Variants in ADAM12 observed in about 807,000 individuals in gnomAD.
ADAM12 encodes the protein ADAM metallopeptidase domain 12, also known as disintegrin and metalloproteinase domain-containing protein 12.
Under a neutral mutation model 106.4 loss-of-function variants are expected in ADAM12, and 70 were observed. The observed-to-expected ratio is 0.66, with a 90% CI of 0.54 to 0.80. The LOEUF is 0.80. Among genes scored for constraint, ADAM12 ranks in the 30% least tolerant of loss-of-function variants. The probability of loss-of-function intolerance (pLI) is 0.00; values close to 1 mark genes in which losing one functional copy is unlikely to be tolerated. For missense variants in ADAM12, 1,010 were observed against 1,171.9 expected, an observed-to-expected ratio of 0.86 and a Z score of 2.02; for synonymous variants, 420 against 433.5, an observed-to-expected ratio of 0.97 and a Z score of 0.39.
At chr10:126,157,633 G>A (rs1042490639) in intron 3 of ADAM12, among the ~76,000 whole-genome samples, 2 of 152,154 alleles carry the variant, frequency 1.3e-5, no homozygotes, top group African/African-American at 2.4e-5. Flanking sequence ...AAACACAGAC[G>A]GGCCCTCACA....
At chr10:126,306,136 T>C (rs1284709318) in intron 2 of ADAM12, among the ~76,000 whole-genome samples, 3 of 151,982 alleles carry the variant, frequency 2.0e-5, no homozygotes, top group African/African-American at 4.8e-5. Context: ...CTTCTACTTA[T>C]TTTCTTGTGT....
In ADAM12 at chr10:126,336,147, G is replaced by GT. The variant is rs1161296706; in HGVS notation, c.89-5639dup. ...CTATGCAAATATTGGTTTACTAACT[G>GT]TAACAAATGTACAATACTAAGGTAA... is the stretch of plus-strand genomic sequence containing the variant. On this transcript the variant is annotated intron_variant, in intron 1 of 22. Coordinates refer to ENST00000448723, the MANE Select transcript of ADAM12 (RefSeq NM_001288973.2). Among the ~76,000 whole-genome samples the GT allele has an allele frequency of 3.3e-5, 5 of 152,168 alleles. No homozygotes were observed. The East Asian group carries it at 9.6e-4, about 29-fold the overall frequency.
At chr10:126,383,798 T>G (rs767023046) in intron 1 of ADAM12, among the ~76,000 whole-genome samples, 1 of 152,168 alleles carries the variant, frequency 6.6e-6, no homozygotes, top group Non-Finnish European at 1.5e-5. Flanking sequence ...TATCTATATA[T>G]TTTATACAAG....
intron 2 of ADAM12, among the ~76,000 whole-genome samples, chr10:126,329,003 G>A (rs1288658774): frequency 6.6e-6 from 1 of 152,028 alleles, no homozygotes; most frequent in African/African-American, 2.4e-5. Flanking sequence ...GCCTGAGCTG[G>A]TCCACCCCAG....
intron 11 of ADAM12, among the ~76,000 whole-genome samples, chr10:126,074,932 C>T (rs746202616): frequency 6.6e-6 from 1 of 152,152 alleles, no homozygotes; most frequent in Non-Finnish European, 1.5e-5. Context: ...TTCAAACTTC[C>T]AGCAACTCCT....
At chr10:126,164,397 G>T (rs1230860964) in intron 3 of ADAM12, among the ~76,000 whole-genome samples, 1 of 152,148 alleles carries the variant, frequency 6.6e-6, no homozygotes, top group Admixed American at 6.5e-5. Context: ...TTCGAACAAA[G>T]CATCCAACCG....
intron 3 of ADAM12, among the ~76,000 whole-genome samples, chr10:126,208,580 C>T (rs1344634391): frequency 6.6e-6 from 1 of 152,166 alleles, no homozygotes; most frequent in Non-Finnish European, 1.5e-5. Flanking sequence ...TAGGATTTAT[C>T]TTTACTTTTC....
At chr10:126,232,576 G>T (rs1958333359) in intron 3 of ADAM12, among the ~76,000 whole-genome samples, 1 of 152,176 alleles carries the variant, frequency 6.6e-6, no homozygotes, top group South Asian at 2.1e-4. Context: ...ATGGAGCCAA[G>T]CAATCTGCTC....
chr10:126,140,711 A>T (rs550687177), intron 4 of ADAM12, among the ~76,000 whole-genome samples: 12 of 152,356 alleles, frequency 7.9e-5, no homozygotes, highest in Admixed American at 7.8e-4. Flanking sequence ...GTGAAATTTA[A>T]TTTTTTTCAA....
chr10:126,022,026 G>T (rs1242330308), intron 21 of ADAM12, among the ~76,000 whole-genome samples: 1 of 152,158 alleles, frequency 6.6e-6, no homozygotes, highest in African/African-American at 2.4e-5. Flanking sequence ...TACTAGTTTT[G>T]CTGCTAAGTA....
chr10:126,164,378 C>T (rs1479746659), intron 3 of ADAM12, among the ~76,000 whole-genome samples: 1 of 152,160 alleles, frequency 6.6e-6, no homozygotes, highest in African/African-American at 2.4e-5. Context: ...CTGGTGGATC[C>T]ATTTGGTATT....
intron 3 of ADAM12, among the ~76,000 whole-genome samples, chr10:126,239,110 T>G (rs4379744): frequency 6.6e-6 from 1 of 152,240 alleles, no homozygotes; most frequent in Non-Finnish European, 1.5e-5. Flanking sequence ...TTTTTTAGCA[T>G]GCAGTAAGGG....
At chr10:126,164,695 AG>A (rs1323669183) in intron 3 of ADAM12, among the ~76,000 whole-genome samples, 5 of 152,326 alleles carry the variant, frequency 3.3e-5, no homozygotes, top group South Asian at 2.1e-4. Flanking sequence ...AAGATCTGGA[AG>A]GCAAACGGTA....
intron 3 of ADAM12, among the ~76,000 whole-genome samples, chr10:126,213,200 C>A (rs936679392): frequency 1.3e-5 from 2 of 152,114 alleles, no homozygotes; most frequent in African/African-American, 4.8e-5. Flanking sequence ...AATATAGTAA[C>A]CTTATTTGTG....
chr10:126,375,864 G>A lies in ADAM12; in HGVS notation c.88+12194C>T, dbSNP rs183331882. On this transcript the variant is annotated intron_variant, in intron 1 of 22. Coordinates refer to ENST00000448723, the MANE Select transcript of ADAM12 (RefSeq NM_001288973.2). ...GGGCTCAAGCAATCCTCCCACCTTA[G>A]CCTCCCTGCGTAGCTGGGACTACAG... Among the ~76,000 whole-genome samples, 357 of 151,030 alleles carry A rather than the reference G, an allele frequency of 2.4e-3. 8 individuals are homozygous for A. In the South Asian group the frequency reaches 0.025, roughly 10 times the overall value.
At chr10:126,032,614 A>T (rs538100864) in intron 21 of ADAM12, among the ~76,000 whole-genome samples, 16 of 152,284 alleles carry the variant, frequency 1.1e-4, no homozygotes, top group African/African-American at 3.6e-4. Flanking sequence ...TACACAGGTG[A>T]GTTGCTTAAA....
chr10:126,023,905 A>C (rs1913743), intron 21 of ADAM12, among the ~76,000 whole-genome samples: 35,584 of 144,010 alleles, frequency 0.25, 4,621 homozygotes, highest in East Asian at 0.33. Flanking sequence ...AAGTGAACTC[A>C]TGGAAAAAAA....
intron 3 of ADAM12, among the ~76,000 whole-genome samples, chr10:126,239,530 G>A (rs546032749): frequency 6.7e-4 from 102 of 152,198 alleles, no homozygotes; most frequent in African/African-American, 2.4e-3. Context: ...GAACAAATCC[G>A]ACCTTTCTAA....
At chr10:126,147,228 G>A (rs1956644735) in intron 4 of ADAM12, among the ~76,000 whole-genome samples, 1 of 152,176 alleles carries the variant, frequency 6.6e-6, no homozygotes, top group Admixed American at 6.5e-5. Context: ...TCCTGATCAT[G>A]TCTAAGGGGA....
Sources: gnomAD v4.1 joint callset for allele counts (sites outside exome capture counted in the v4.1 genomes callset) on GRCh38, gnomAD v4.1.1 for gene constraint, MANE v1.5 for transcripts, NCBI Gene and HGNC (gene_info 2026-07-23, HGNC 2026-07-21) for gene names.